Variants in PIGF observed in about 807,000 individuals in gnomAD.
PIGF encodes GPI ethanolamine phosphate transferase, stabilizing subunit.
PIGF carries 23 observed loss-of-function variants against 26.0 expected under a neutral mutation model. The observed-to-expected ratio is 0.88, with a 90% CI of 0.64 to 1.25. The LOEUF is 1.25. PIGF is among the 50% of genes most tolerant of loss of function. The pLI is 0.00. For missense variants in PIGF, 278 were observed against 249.9 expected (o/e 1.11, Z -0.76); for synonymous variants, 93 against 92.6 (o/e 1.00, Z -0.03).
intron 5 of PIGF, among the ~76,000 whole-genome samples, chr2:46,586,124 A>G (rs913574714): frequency 6.6e-6 from 1 of 152,192 alleles, no homozygotes; most frequent in Admixed American, 6.5e-5. Flanking sequence ...AATGTCTGTT[A>G]CAAGAGCAAA....
chr2:46,602,126 C>T (rs1189616930), intron 4 of PIGF, among the ~76,000 whole-genome samples: 1 of 151,874 alleles, frequency 6.6e-6, no homozygotes, highest in Non-Finnish European at 1.5e-5. Context: ...CAATAAGAAG[C>T]TGGCAGAATA....
chr2:46,615,382 T>C, intron 1 of PIGF, 197 bp from the exon 2 acceptor site: 1 of 409,878 alleles, frequency 2.4e-6, no homozygotes, highest in South Asian at 2.9e-5. Flanking sequence ...CTTAATATGG[T>C]ACAAACATCT....
chr2:46,607,213 C>T (rs1012166537), intron 4 of PIGF, among the ~76,000 whole-genome samples: 3 of 152,220 alleles, frequency 2.0e-5, no homozygotes, highest in Admixed American at 6.5e-5. Context: ...GCCACACATA[C>T]GCACATCTGG....
chr2:46,593,503 G>C (rs970481167), intron 4 of PIGF, among the ~76,000 whole-genome samples: 2 of 152,184 alleles, frequency 1.3e-5, no homozygotes, highest in African/African-American at 2.4e-5. Context: ...AACAGGCAGA[G>C]AACAAGAACA....
At position 46,589,495 on chromosome 2, in the gene PIGF, T is replaced by C. The variant is rs1290114654; in HGVS notation, c.546+2980A>G. ...ACATGTAGTAGATTTTGTGGGGTTT[T>C]GTGTGTGTGTGTGCATGTGTGTGTT... On this transcript the variant is annotated intron_variant, in intron 5 of 5. Transcript: ENST00000281382. The surrounding 1 kb of genome is among the most constrained non-coding windows in gnomAD (Gnocchi z 4.7). Among the ~76,000 whole-genome samples, 2 of 151,366 alleles carry C rather than the reference T, an allele frequency of 1.3e-5. No individual in the cohort carries two copies. The highest frequency in any genetic ancestry group is 4.8e-5 in the African/African-American group (2 of 41,250).
chr2:46,586,119 C>T (rs1377554512), intron 5 of PIGF, among the ~76,000 whole-genome samples: 1 of 152,184 alleles, frequency 6.6e-6, no homozygotes, highest in Admixed American at 6.5e-5. Context: ...TGTGAAATGT[C>T]TGTTACAAGA....
intron 5 of PIGF, chr2:46,591,603 A>G: frequency 5.3e-6 from 5 of 951,522 alleles, no homozygotes; most frequent in Non-Finnish European, 5.0e-6. Flanking sequence ...GTTTATTATC[A>G]CAAAATACTG....
At chr2:46,607,343 G>A (rs1348778531) in intron 4 of PIGF, among the ~76,000 whole-genome samples, 1 of 152,020 alleles carries the variant, frequency 6.6e-6, no homozygotes, top group African/African-American at 2.4e-5. Context: ...CTTTTCCAAG[G>A]AAAAGTGCTA....
chr2:46,583,547 T>C (rs1272855230), intron 5 of PIGF, among the ~76,000 whole-genome samples: 1 of 152,208 alleles, frequency 6.6e-6, no homozygotes, highest in African/African-American at 2.4e-5. Context: ...TCCCCATTGC[T>C]TATCAAGAGC....
At chr2:46,599,909 C>G (rs1018822332) in intron 4 of PIGF, among the ~76,000 whole-genome samples, 2 of 152,094 alleles carry the variant, frequency 1.3e-5, no homozygotes, top group Non-Finnish European at 2.9e-5. Flanking sequence ...CTTAACTAGC[C>G]CCAATTTTCC....
chr2:46,598,623 G>C (rs1049944228), intron 4 of PIGF, among the ~76,000 whole-genome samples: 1 of 147,036 alleles, frequency 6.8e-6, no homozygotes, highest in African/African-American at 2.6e-5. Flanking sequence ...CTTCCAATGC[G>C]GCCCAGAGAA....
chr2:46,602,587 TACAC>T (rs1670093494), intron 4 of PIGF, among the ~76,000 whole-genome samples: 1 of 151,858 alleles, frequency 6.6e-6, no homozygotes, highest in African/African-American at 2.4e-5. Flanking sequence ...TTAAAAAAAA[TACAC>T]ACAAAACTCT....
chr2:46,596,407 T>C (rs1572774148), intron 4 of PIGF, among the ~76,000 whole-genome samples: 1 of 152,240 alleles, frequency 6.6e-6, no homozygotes, highest in Admixed American at 6.5e-5. Context: ...CAAGTGTTTA[T>C]GATCCTACAT....
chr2:46,600,861 TG>T (rs1408019724), intron 4 of PIGF, among the ~76,000 whole-genome samples: 1 of 152,014 alleles, frequency 6.6e-6, no homozygotes, highest in Non-Finnish European at 1.5e-5. Flanking sequence ...AACACATTAG[TG>T]GGAAAAAAGT....
intron 4 of PIGF, among the ~76,000 whole-genome samples, chr2:46,596,373 G>T (rs188552977): frequency 6.6e-5 from 10 of 152,136 alleles, no homozygotes; most frequent in African/African-American, 2.4e-4. Flanking sequence ...TCATCCAAGA[G>T]GTTGCCCTCT....
chr2:46,613,566 T>C (rs1447724023), intron 3 of PIGF, 128 bp downstream of exon 3: 1 of 618,522 alleles, frequency 1.6e-6, no homozygotes, highest in African/African-American at 1.9e-5. Flanking sequence ...CTGCTAATGA[T>C]GTTGGTGTCC....
At chr2:46,612,775 G>T (rs1277761360) in intron 3 of PIGF, among the ~76,000 whole-genome samples, 1 of 152,092 alleles carries the variant, frequency 6.6e-6, no homozygotes, top group Admixed American at 6.6e-5. Flanking sequence ...ACATATATTG[G>T]AAACACCTGG....
chr2:46,602,385 A>T (rs141393884), intron 4 of PIGF, among the ~76,000 whole-genome samples: 206 of 152,090 alleles, frequency 1.4e-3, no homozygotes, highest in African/African-American at 4.7e-3. Flanking sequence ...TGTGTTCAAC[A>T]TAAGTTTTCT....
chr2:46,608,220 T>C (rs751007309), intron 4 of PIGF, among the ~76,000 whole-genome samples: 1 of 152,230 alleles, frequency 6.6e-6, no homozygotes, highest in African/African-American at 2.4e-5. Flanking sequence ...ATTTCAACAA[T>C]ATTCATGGCA....
Sources: allele counts gnomAD v4.1 joint callset (sites outside exome capture counted in the v4.1 genomes callset), GRCh38; gene constraint gnomAD v4.1.1; non-coding constraint Gnocchi (gnomAD v3.1); transcripts MANE v1.5; gene names NCBI Gene and HGNC (gene_info 2026-07-23, HGNC 2026-07-21).